Variants in GRIA4 observed in about 807,000 individuals in gnomAD.
The protein encoded by GRIA4 is glutamate receptor 4.
Under a neutral mutation model 104.0 loss-of-function variants are expected in GRIA4, and 34 were observed. The ratio of observed to expected loss-of-function variants is 0.33; its 90% CI spans 0.25 to 0.44. The LOEUF is 0.44. Ranked by LOEUF, GRIA4 falls within the 20% of genes least tolerant of loss-of-function variation. The probability of loss-of-function intolerance (pLI) is 1.00; values close to 1 mark genes in which losing one functional copy is unlikely to be tolerated. For synonymous variants in GRIA4, 386 were observed against 381.9 expected, an observed-to-expected ratio of 1.01 and a Z score of -0.13; for missense variants, 750 against 1,096.5, an observed-to-expected ratio of 0.68 and a Z score of 4.46.
At chr11:105,663,558 A>G (rs1408081286) in intron 3 of GRIA4, among the ~76,000 whole-genome samples, 4 of 152,084 alleles carry the variant, frequency 2.6e-5, no homozygotes, top group Admixed American at 2.6e-4. Flanking sequence ...TAGCTTTAAT[A>G]AGGGAATAGG....
chr11:105,940,508 A>G (rs2091491229), intron 14 of GRIA4, among the ~76,000 whole-genome samples: 1 of 152,192 alleles, frequency 6.6e-6, no homozygotes, highest in African/African-American at 2.4e-5. Context: ...GAGTTATGGT[A>G]ATCAGGTTTA....
intron 4 of GRIA4, among the ~76,000 whole-genome samples, chr11:105,831,356 T>C (rs1012831940): frequency 4.6e-5 from 7 of 151,966 alleles, no homozygotes; most frequent in Non-Finnish European, 8.8e-5. Context: ...CTTAGCTCCA[T>C]GTCATTGGTC....
chr11:105,664,013 G>A (rs1269183770), intron 3 of GRIA4, among the ~76,000 whole-genome samples: 1 of 150,380 alleles, frequency 6.6e-6, no homozygotes, highest in Admixed American at 6.7e-5. Context: ...AGGGTTGTCA[G>A]GAAGATCGAA....
chr11:105,743,919 C>T (rs908271929), intron 3 of GRIA4, among the ~76,000 whole-genome samples: 2 of 152,212 alleles, frequency 1.3e-5, no homozygotes, highest in Non-Finnish European at 2.9e-5. Context: ...AATCTGACCT[C>T]TACATTGTAT....
At chr11:105,887,161 T>C (rs1005086049) in intron 5 of GRIA4, among the ~76,000 whole-genome samples, 27 of 152,260 alleles carry the variant, frequency 1.8e-4, no homozygotes, top group Admixed American at 1.6e-3. Context: ...TATCAATAAG[T>C]GAAGTACATC....
intron 9 of GRIA4, among the ~76,000 whole-genome samples, chr11:105,908,932 C>T (rs2898229): frequency 0.086 from 13,115 of 152,026 alleles, 769 homozygotes; most frequent in Admixed American, 0.18. Context: ...GCAGAGTTAA[C>T]AAGAATCAAC....
At chr11:105,765,929 T>C (rs903587455) in intron 4 of GRIA4, among the ~76,000 whole-genome samples, 4 of 152,172 alleles carry the variant, frequency 2.6e-5, no homozygotes, top group African/African-American at 7.2e-5. Flanking sequence ...GAGGTTTGTG[T>C]TTCATTACTA....
intron 3 of GRIA4, among the ~76,000 whole-genome samples, chr11:105,725,255 G>A (rs991075350): frequency 6.6e-6 from 1 of 152,136 alleles, no homozygotes; most frequent in East Asian, 1.9e-4. Flanking sequence ...CTGGCTCACT[G>A]AGTCAAAAAT....
At chr11:105,863,484 G>A (rs1455131007) in intron 5 of GRIA4, among the ~76,000 whole-genome samples, 1 of 151,980 alleles carries the variant, frequency 6.6e-6, no homozygotes, top group African/African-American at 2.4e-5. Context: ...TCCTAAGAGA[G>A]TCCAAAAAAT....
intron 4 of GRIA4, among the ~76,000 whole-genome samples, chr11:105,792,037 T>A (rs1942235342): frequency 6.6e-6 from 1 of 152,150 alleles, no homozygotes; most frequent in South Asian, 2.1e-4. Flanking sequence ...TGAATTCTTT[T>A]AAAATATGTT....
chr11:105,640,486 T>C (rs550378495), intron 3 of GRIA4, among the ~76,000 whole-genome samples: 111 of 152,056 alleles, frequency 7.3e-4, no homozygotes, highest in African/African-American at 2.6e-3. Context: ...TTAATTATAA[T>C]ATATATTGTT....
At chr11:105,802,427 C>T (rs1942760794) in intron 4 of GRIA4, among the ~76,000 whole-genome samples, 1 of 152,090 alleles carries the variant, frequency 6.6e-6, no homozygotes, top group South Asian at 2.1e-4. Flanking sequence ...AAAATCCAAA[C>T]ACTTGATTAA....
At chr11:105,909,282 A>G (rs1947148352) in intron 9 of GRIA4, among the ~76,000 whole-genome samples, 1 of 152,220 alleles carries the variant, frequency 6.6e-6, no homozygotes, top group Non-Finnish European at 1.5e-5. Context: ...GGCAAGTGAG[A>G]CTTCCAAAAC....
intron 4 of GRIA4, among the ~76,000 whole-genome samples, chr11:105,805,778 C>T (rs1942929843): frequency 6.6e-6 from 1 of 151,882 alleles, no homozygotes. Flanking sequence ...TAAAAGCCTT[C>T]TCGACACAAA....
intron 5 of GRIA4, among the ~76,000 whole-genome samples, chr11:105,865,031 A>G (rs1945355317): frequency 6.6e-6 from 1 of 152,266 alleles, no homozygotes; most frequent in African/African-American, 2.4e-5. Flanking sequence ...AACTGTGGTT[A>G]TAGAAGCATT....
intron 6 of GRIA4, among the ~76,000 whole-genome samples, chr11:105,895,252 C>CGTGTGTGTGTGTGTGTGTGT (rs59472131): frequency 3.4e-5 from 5 of 148,754 alleles, no homozygotes; most frequent in East Asian, 2.0e-4. Context: ...CGAGCTCATG[C>CGTGTGTGTGTGTGTGTGTGT]GTGTGTGTGT....
intron 4 of GRIA4, among the ~76,000 whole-genome samples, chr11:105,835,135 T>A (rs143485029): frequency 1.3e-5 from 2 of 152,108 alleles, no homozygotes; most frequent in Non-Finnish European, 2.9e-5. Flanking sequence ...TTTATTTCAA[T>A]ATTTTATTTA....
chr11:105,960,110 G>A (rs1218525823), intron 14 of GRIA4, among the ~76,000 whole-genome samples: 2 of 152,232 alleles, frequency 1.3e-5, no homozygotes, highest in African/African-American at 2.4e-5. Context: ...ACAGGGAGCA[G>A]GACCTATTCA....
intron 3 of GRIA4, among the ~76,000 whole-genome samples, chr11:105,711,175 G>T (rs1476435182): frequency 2.0e-5 from 3 of 151,820 alleles, no homozygotes; most frequent in African/African-American, 4.8e-5. Context: ...ACCTAGTTGG[G>T]TTCCAAAGAC....
Sources: allele counts gnomAD v4.1 joint callset (sites outside exome capture counted in the v4.1 genomes callset), GRCh38; gene constraint gnomAD v4.1.1; transcripts MANE v1.5; gene names NCBI Gene and HGNC (gene_info 2026-07-23, HGNC 2026-07-21).